The following SH2D4B variants were observed in gnomAD, a reference collection of about 807,000 sequenced individuals.
SH2D4B encodes the protein SH2 domain-containing protein 4B.
In SH2D4B, 45 loss-of-function variants were observed where a neutral mutation model predicts 61.5. That is an observed-to-expected ratio of 0.73 (90% CI 0.58 to 0.94). The LOEUF is 0.94. SH2D4B is among the 40% of genes least tolerant of loss of function. The probability of loss-of-function intolerance (pLI) is 0.00; values close to 1 mark genes in which losing one functional copy is unlikely to be tolerated. For missense variants in SH2D4B, 572 were observed against 574.2 expected, an observed-to-expected ratio of 1.00 and a Z score of 0.04; for synonymous variants, 224 against 220.4, an observed-to-expected ratio of 1.02 and a Z score of -0.14.
chr10:80,586,782 C>G (rs897728946), intron 3 of SH2D4B, among the ~76,000 whole-genome samples: 26 of 152,196 alleles, frequency 1.7e-4, no homozygotes, highest in African/African-American at 6.0e-4. Context: ...ATAAATCTTG[C>G]TGCTGCTCAC....
At chr10:80,617,827 G>A (rs1056709399) in intron 6 of SH2D4B, among the ~76,000 whole-genome samples, 4 of 152,182 alleles carry the variant, frequency 2.6e-5, no homozygotes, top group African/African-American at 9.7e-5. Context: ...GAGGTTGCAT[G>A]CCTGCATTCT....
In SH2D4B at chr10:80,636,329, G is replaced by A. The variant is rs897472283; in HGVS notation, c.1209+1824G>A. Among the ~76,000 whole-genome samples the A allele has an allele frequency of 2.0e-5, 3 of 152,088 alleles. No homozygotes were observed. The South Asian group carries it at 6.2e-4, about 32-fold the overall frequency. ...TATATACTCAGTAATGGGATCGCTG[G>A]GTCAAATGGTATTTCTAGTTCTAGA... On this transcript the variant is annotated intron_variant, in intron 7 of 7. Coordinates refer to ENST00000646907, the MANE Select transcript of SH2D4B (RefSeq NM_001388272.1).
chr10:80,581,552 A>G (rs1842184432), intron 3 of SH2D4B, among the ~76,000 whole-genome samples: 1 of 152,138 alleles, frequency 6.6e-6, no homozygotes, highest in South Asian at 2.1e-4. Context: ...GGAGATTTGG[A>G]CACAGACGGG....
intron 6 of SH2D4B, among the ~76,000 whole-genome samples, chr10:80,611,137 T>C (rs1842592938): frequency 7.4e-6 from 1 of 134,884 alleles, no homozygotes; most frequent in South Asian, 2.2e-4. Flanking sequence ...ATTGCAACAT[T>C]GTACTCCAGC....
intron 1 of SH2D4B, among the ~76,000 whole-genome samples, chr10:80,543,920 C>T (rs1358535297): frequency 6.6e-6 from 1 of 151,906 alleles, no homozygotes; most frequent in Non-Finnish European, 1.5e-5. Context: ...ACCTTTTTGT[C>T]TAGCTCAGGG....
intron 1 of SH2D4B, among the ~76,000 whole-genome samples, chr10:80,562,970 C>T (rs1202192834): frequency 1.5e-5 from 2 of 134,822 alleles, no homozygotes; most frequent in South Asian, 2.3e-4. Flanking sequence ...GGCGGGATCT[C>T]GGCTCACTGC....
At chr10:80,624,594 G>C (rs944205331) in intron 6 of SH2D4B, among the ~76,000 whole-genome samples, 1 of 152,200 alleles carries the variant, frequency 6.6e-6, no homozygotes, top group Non-Finnish European at 1.5e-5. Context: ...CTCAAACCTG[G>C]CTACATGTTA....
intron 3 of SH2D4B, among the ~76,000 whole-genome samples, chr10:80,587,876 C>T (rs1589346991): frequency 6.6e-6 from 1 of 152,184 alleles, no homozygotes; most frequent in Admixed American, 6.5e-5. Context: ...GGTTCACTTA[C>T]TATAATGGCC....
intron 3 of SH2D4B, among the ~76,000 whole-genome samples, chr10:80,575,707 A>G (rs908583052): frequency 8.5e-5 from 13 of 152,264 alleles, no homozygotes; most frequent in African/African-American, 3.1e-4. Flanking sequence ...CCCAGGAGGC[A>G]GAGGTTGCAG....
chr10:80,588,530 C>CA, intron 3 of SH2D4B, 100 bp from the exon 4 acceptor site: 1 of 1,481,982 alleles, frequency 6.7e-7, no homozygotes, highest in South Asian at 1.3e-5. Context: ...CACTGCTGCA[C>CA]TCTCAGCCCC....
intron 3 of SH2D4B, among the ~76,000 whole-genome samples, chr10:80,587,693 G>T (rs1435387670): frequency 6.6e-6 from 1 of 152,126 alleles, no homozygotes; most frequent in African/African-American, 2.4e-5. Context: ...CATGATCTAG[G>T]TAGTGAGCAT....
intron 4 of SH2D4B, among the ~76,000 whole-genome samples, chr10:80,593,892 G>A (rs763604781): frequency 5.3e-5 from 8 of 152,174 alleles, no homozygotes; most frequent in South Asian, 2.1e-4. Context: ...TCACTGCAGC[G>A]TCAACTGCCT....
In SH2D4B at chr10:80,644,107, T is replaced by C. The variant is rs1394993872; in HGVS notation, c.*22T>C. 1.3e-6 allele frequency: 2 copies of C among 1,589,598 alleles called. No individual in the cohort carries two copies. Among genetic ancestry groups the C allele is most frequent in the Non-Finnish European group, 8.6e-7 (1 of 1,158,530 alleles). Reference sequence around the variant, plus strand: ...ATAATTTTTTTCCTTATCAATTGGATTCATTTTGGTATCCTGTTTTTGAAC... The same window carrying C: ...ATAATTTTTTTCCTTATCAATTGGACTCATTTTGGTATCCTGTTTTTGAAC... On this transcript the variant is annotated 3_prime_UTR_variant, in exon 8 of 8. Transcript: ENST00000646907.
chr10:80,645,105 G>A lies in SH2D4B; in HGVS notation c.*1020G>A, dbSNP rs1840376370. The A allele has an allele frequency of 6.6e-6, 1 of 152,186 alleles. No individual in the cohort carries two copies. Among genetic ancestry groups the A allele is most frequent in the Admixed American group, 6.5e-5 (1 of 15,284 alleles). 9.4% of individuals were successfully genotyped at this position (152,186 alleles called of 1,614,324 possible). ...AGAAGATTACAGTCTTTACAGTCAA[G>A]AAGACTTGGGTTCATATCCTAACCC... On this transcript the variant is annotated 3_prime_UTR_variant, in exon 8 of 8. Coordinates refer to ENST00000646907, the MANE Select transcript of SH2D4B (RefSeq NM_001388272.1).
intron 6 of SH2D4B, among the ~76,000 whole-genome samples, chr10:80,612,089 G>A (rs1842607584): frequency 6.6e-6 from 1 of 151,532 alleles, no homozygotes; most frequent in East Asian, 1.9e-4. Flanking sequence ...TATCTTTTAT[G>A]AATTGATGGG....
At chr10:80,548,771 T>C (rs1841716062) in intron 1 of SH2D4B, among the ~76,000 whole-genome samples, 1 of 152,206 alleles carries the variant, frequency 6.6e-6, no homozygotes, top group Non-Finnish European at 1.5e-5. Flanking sequence ...AGTGCTCCAT[T>C]GCTAGCCCTA....
chr10:80,620,279 T>G (rs1842704566), intron 6 of SH2D4B, among the ~76,000 whole-genome samples: 3 of 152,176 alleles, frequency 2.0e-5, no homozygotes, highest in African/African-American at 7.2e-5. Flanking sequence ...GAGATCTGGT[T>G]GTTTAAAAGT....
At chr10:80,551,165 G>T (rs571220939) in intron 1 of SH2D4B, among the ~76,000 whole-genome samples, 11 of 152,290 alleles carry the variant, frequency 7.2e-5, no homozygotes, top group African/African-American at 2.2e-4. Flanking sequence ...CCATTCTCCT[G>T]CCTCAGCCTC....
chr10:80,625,396 C>T (rs909981538), intron 6 of SH2D4B, among the ~76,000 whole-genome samples: 39 of 152,154 alleles, frequency 2.6e-4, no homozygotes, highest in African/African-American at 8.4e-4. Flanking sequence ...AATGGCATAA[C>T]ATTTGCATAA....
Sources: gnomAD v4.1 joint callset for allele counts (sites outside exome capture counted in the v4.1 genomes callset) on GRCh38, gnomAD v4.1.1 for gene constraint, MANE v1.5 for transcripts, NCBI Gene and HGNC (gene_info 2026-07-23, HGNC 2026-07-21) for gene names.